THRAP3: variants seen among roughly 807,000 people sequenced by gnomAD.
The protein encoded by THRAP3 is thyroid hormone receptor associated protein 3.
THRAP3 carries 16 observed loss-of-function variants against 101.0 expected under a neutral mutation model. That is an observed-to-expected ratio of 0.16 (90% CI 0.11 to 0.24). The LOEUF (loss-of-function observed/expected upper bound fraction) is 0.24. Ranked by LOEUF, THRAP3 falls within the 10% of genes least tolerant of loss-of-function variation. The pLI is 1.00. For synonymous variants in THRAP3, 407 were observed against 422.6 expected (o/e 0.96, Z 0.45); for missense variants, 989 against 1,202.7 (o/e 0.82, Z 2.63).
chr1:36,209,900 C>T, the THRAP3 span, among the ~76,000 whole-genome samples: 1 of 152,134 alleles, frequency 6.6e-6, no homozygotes, highest in Non-Finnish European at 1.5e-5. Context: ...TGGAGTCAAG[C>T]GTGGAAAAAG....
At chr1:36,231,941 G>A (rs1159429110) in intron 1 of THRAP3, among the ~76,000 whole-genome samples, 1 of 152,216 alleles carries the variant, frequency 6.6e-6, no homozygotes, top group Non-Finnish European at 1.5e-5. Flanking sequence ...GTGGCTGGGT[G>A]TGGTGTGGTT....
chr1:36,213,967 GAGAAAGAAAGAAAGAAAGAAAGAAAGA>G, the THRAP3 span, among the ~76,000 whole-genome samples: 1 of 98,012 alleles, frequency 1.0e-5, no homozygotes, highest in Non-Finnish European at 2.0e-5. Flanking sequence ...AAGAAGGAAA[GAGAAAGAAAGAAAGAAAGAAAGAAAGA>G]AAGGAAAGAA....
chr1:36,245,323 C>G (rs1437786381), intron 1 of THRAP3, among the ~76,000 whole-genome samples: 1 of 151,962 alleles, frequency 6.6e-6, no homozygotes, highest in Non-Finnish European at 1.5e-5. Flanking sequence ...TGCGCCATCA[C>G]ACCCGGCTAA....
intron 2 of THRAP3, among the ~76,000 whole-genome samples, chr1:36,274,088 A>AGTGTGTGT (rs1557437749): frequency 3.5e-5 from 5 of 141,662 alleles, no homozygotes; most frequent in East Asian, 3.9e-4. Flanking sequence ...ACACACACAC[A>AGTGTGTGT]CACACACACA....
chr1:36,229,876 T>C (rs189667015), intron 1 of THRAP3, among the ~76,000 whole-genome samples: 2 of 151,754 alleles, frequency 1.3e-5, no homozygotes, highest in Non-Finnish European at 2.9e-5. Context: ...GGTCTCAAAC[T>C]TCTGACCTCA....
intron 7 of THRAP3, among the ~76,000 whole-genome samples, chr1:36,293,093 A>G (rs901660974): frequency 2.4e-5 from 3 of 126,668 alleles, no homozygotes; most frequent in Admixed American, 2.2e-4. Context: ...CAGTGATGCA[A>G]TCTCGGCTCA....
chr1:36,252,309 G>T (rs1035862198), intron 1 of THRAP3, among the ~76,000 whole-genome samples: 3 of 152,110 alleles, frequency 2.0e-5, no homozygotes, highest in Non-Finnish European at 4.4e-5. Context: ...GCTTTTAGTA[G>T]AGACGGGGTT....
upstream of THRAP3, among the ~76,000 whole-genome samples, chr1:36,219,650 G>A (rs999578279): frequency 2.0e-5 from 3 of 151,338 alleles, no homozygotes; most frequent in South Asian, 2.1e-4. Flanking sequence ...GGTTGGTCTC[G>A]AACTCCTGAC....
chr1:36,239,129 C>T (rs544391889), intron 1 of THRAP3, among the ~76,000 whole-genome samples: 5 of 151,536 alleles, frequency 3.3e-5, no homozygotes, highest in South Asian at 2.1e-4. Context: ...TGGTCTCGAT[C>T]TCCTGAGCTG....
chr1:36,269,041 TCTGGAGAAAACAATACACAGAATTGGGTA>T (rs1645554864), intron 2 of THRAP3, among the ~76,000 whole-genome samples: 1 of 152,010 alleles, frequency 6.6e-6, no homozygotes, highest in Non-Finnish European at 1.5e-5. Context: ...AGTTTTTTAA[TCTGGAGAAAACAATACACAGAATTGGGTA>T]TTTTGTCTTG....
At position 36,262,566 on chromosome 1, in the gene THRAP3, T is replaced by C. The variant is rs144410600; in HGVS notation, c.-32+3082T>C. The stretch of plus-strand genomic sequence containing the variant: ...CTACTGTAGTTCTATCCAGGCTTTA[T>C]GTAGAACTCTTTGTAAACAGTGGAT... On this transcript the variant is annotated intron_variant, in intron 2 of 11. Coordinates refer to ENST00000354618, the MANE Select transcript of THRAP3 (RefSeq NM_005119.4). Among the ~76,000 whole-genome samples, 68 of 152,304 alleles carry C rather than the reference T, an allele frequency of 4.5e-4. No homozygotes were observed. In the East Asian group the frequency reaches 0.013, roughly 29 times the overall value.
chr1:36,236,113 A>G (rs1244128464), intron 1 of THRAP3, among the ~76,000 whole-genome samples: 3 of 151,330 alleles, frequency 2.0e-5, no homozygotes, highest in East Asian at 2.0e-4. Flanking sequence ...TTAGCTGGGC[A>G]TTGTGGCAGG....
At chr1:36,254,393 CAA>C (rs767186620) in intron 1 of THRAP3, among the ~76,000 whole-genome samples, 6 of 152,280 alleles carry the variant, frequency 3.9e-5, no homozygotes, top group East Asian at 1.9e-4. Flanking sequence ...AATTCAATAA[CAA>C]AATGATTCAC....
In THRAP3 at chr1:36,286,353, T is replaced by A. The variant is rs764799751; in HGVS notation, c.138-15T>A. The A allele has an allele frequency of 1.1e-5, 17 of 1,552,812 alleles. No homozygotes were observed. The highest frequency in any genetic ancestry group is 1.5e-5 in the Non-Finnish European group (17 of 1,152,786). On this transcript the variant is annotated splice_polypyrimidine_tract_variant and intron_variant, in intron 3 of 11. Transcript: ENST00000354618. This position sits in a 1 kb window ranked among gnomAD's most constrained non-coding sequence, Gnocchi z 5.5. ...TCAAAAATTCAAACATTTGTCTCTTTCCTTTCCATTCCAGTTCTAGGTCTC... is the reference window on the plus strand; with the variant it reads ...TCAAAAATTCAAACATTTGTCTCTTACCTTTCCATTCCAGTTCTAGGTCTC...
At chr1:36,217,702 T>G in the THRAP3 span, among the ~76,000 whole-genome samples, 1 of 152,214 alleles carries the variant, frequency 6.6e-6, no homozygotes, top group Admixed American at 6.5e-5. Flanking sequence ...TGATCAGTGA[T>G]ATTCCTATCA....
intron 4 of THRAP3, 39 bp from the exon 5 acceptor site, chr1:36,289,021 G>A: frequency 6.6e-7 from 1 of 1,517,644 alleles, no homozygotes; most frequent in East Asian, 2.3e-5. Flanking sequence ...ATGCTGTTAA[G>A]AAGCCTCTTG....
intron 8 of THRAP3, among the ~76,000 whole-genome samples, chr1:36,294,899 G>T (rs1387665308): frequency 6.6e-6 from 1 of 152,166 alleles, no homozygotes; most frequent in East Asian, 1.9e-4. Flanking sequence ...CAGAGGCCCA[G>T]TTCCCTCTGT....
intron 2 of THRAP3, among the ~76,000 whole-genome samples, chr1:36,262,263 C>T (rs542259220): frequency 1.3e-5 from 2 of 152,144 alleles, no homozygotes; most frequent in African/African-American, 2.4e-5. Flanking sequence ...TTCAGATCAG[C>T]CACATTTCAC....
At chr1:36,252,327 G>C (rs1171706010) in intron 1 of THRAP3, among the ~76,000 whole-genome samples, 1 of 152,176 alleles carries the variant, frequency 6.6e-6, no homozygotes, top group Non-Finnish European at 1.5e-5. Flanking sequence ...GTTTCACCAT[G>C]TTGGTCAGGC....
Sources: allele counts gnomAD v4.1 joint callset (sites outside exome capture counted in the v4.1 genomes callset), GRCh38; gene constraint gnomAD v4.1.1; non-coding constraint Gnocchi (gnomAD v3.1); transcripts MANE v1.5; gene names NCBI Gene and HGNC (gene_info 2026-07-23, HGNC 2026-07-21).